Variants in PLCH1 observed in about 807,000 individuals in gnomAD.
The protein encoded by PLCH1 is phospholipase C eta 1, also known as 1-phosphatidylinositol 4,5-bisphosphate phosphodiesterase eta-1.
In PLCH1, 60 loss-of-function variants were observed where a neutral mutation model predicts 126.7. That is an observed-to-expected ratio of 0.47 (90% CI 0.38 to 0.59). PLCH1 has a LOEUF of 0.59. Ranked by LOEUF, PLCH1 falls within the 20% of genes least tolerant of loss-of-function variation. The probability of loss-of-function intolerance (pLI) is 0.00; values close to 1 mark genes in which losing one functional copy is unlikely to be tolerated. For synonymous variants in PLCH1, 719 were observed against 734.9 expected, an observed-to-expected ratio of 0.98 and a Z score of 0.35; for missense variants, 1,723 against 2,040.0, an observed-to-expected ratio of 0.84 and a Z score of 2.99.
In PLCH1 at chr3:155,454,815, G is replaced by A. The variant is rs576419907; in HGVS notation, c.2938+30541C>T. ...ACTACATGACTTGTAGTTTTCCTCT[G>A]CTATACCTACAAGGTAACTCGACAT... On this transcript the variant is annotated intron_variant, in intron 21 of 21. Coordinates refer to the PLCH1 transcript ENST00000494598. Among the ~76,000 whole-genome samples the A allele has an allele frequency of 2.6e-5, 4 of 152,288 alleles. No individual in the cohort carries two copies. In the South Asian group the frequency reaches 8.3e-4, roughly 32 times the overall value.
At chr3:155,527,202 A>G (rs1408715657) in intron 10 of PLCH1, among the ~76,000 whole-genome samples, 2 of 152,236 alleles carry the variant, frequency 1.3e-5, no homozygotes, top group Non-Finnish European at 2.9e-5. Context: ...ATCTCTTAAA[A>G]CATAGGGATG....
intron 2 of PLCH1, among the ~76,000 whole-genome samples, chr3:155,696,034 CAT>C (rs1745767082): frequency 6.6e-6 from 1 of 152,134 alleles, no homozygotes; most frequent in Non-Finnish European, 1.5e-5. Flanking sequence ...GGCAGATGGA[CAT>C]CTGAGTATTC....
At chr3:155,472,445 C>G (rs1244886353) in intron 21 of PLCH1, among the ~76,000 whole-genome samples, 1 of 151,872 alleles carries the variant, frequency 6.6e-6, no homozygotes, top group Admixed American at 6.6e-5. Flanking sequence ...AATAGTTTAC[C>G]AACCAAAAAG....
Position 155,545,567 on chromosome 3 carries a change from C to T in PLCH1, c.1362+4220G>A, listed in dbSNP as rs1282275872. Among the ~76,000 whole-genome samples, 13 of 152,062 alleles carry T rather than the reference C, an allele frequency of 8.5e-5. 1 individual carries two copies. The highest frequency in any genetic ancestry group is 4.2e-4 in the South Asian group (2 of 4,800). On this transcript the variant is annotated intron_variant, in intron 10 of 22. Coordinates refer to ENST00000460012, the MANE Select transcript of PLCH1 (RefSeq NM_014996.4). Reference sequence around the variant, plus strand: ...GCCAGCATCATCCTGATACCAAAGCCGGGCAGAGACAAAACCAAAAAAGAG... The same window carrying T: ...GCCAGCATCATCCTGATACCAAAGCTGGGCAGAGACAAAACCAAAAAAGAG...
At chr3:155,617,195 T>G (rs894354553) in intron 2 of PLCH1, among the ~76,000 whole-genome samples, 1 of 152,184 alleles carries the variant, frequency 6.6e-6, no homozygotes, top group African/African-American at 2.4e-5. Context: ...CCTAAGACTT[T>G]TGTCATCCAC....
chr3:155,742,947 C>G (rs1749730055), intron 1 of PLCH1: 1 of 216,234 alleles, frequency 4.6e-6, no homozygotes, highest in Admixed American at 5.4e-5. Context: ...ACAGTACTCA[C>G]GTATTACTTC....
intron 10 of PLCH1, among the ~76,000 whole-genome samples, chr3:155,526,489 TACAC>T (rs35144196): frequency 0.17 from 22,006 of 126,460 alleles, 2,256 homozygotes; most frequent in East Asian, 0.3. Context: ...CTCTCTCTCA[TACAC>T]ACACACACAC....
chr3:155,626,087 G>A (rs1559862483), intron 2 of PLCH1, among the ~76,000 whole-genome samples: 1 of 152,166 alleles, frequency 6.6e-6, no homozygotes, highest in African/African-American at 2.4e-5. Context: ...GGACATGGAT[G>A]AAGCTGGAAA....
intron 2 of PLCH1, among the ~76,000 whole-genome samples, chr3:155,641,312 T>TATAG (rs1385747956): frequency 6.6e-6 from 1 of 152,146 alleles, no homozygotes; most frequent in Non-Finnish European, 1.5e-5. Flanking sequence ...AACCTGTCTT[T>TATAG]ATAGATTTTT....
chr3:155,673,781 C>T (rs942791598), intron 2 of PLCH1, among the ~76,000 whole-genome samples: 2 of 152,170 alleles, frequency 1.3e-5, no homozygotes, highest in African/African-American at 4.8e-5. Context: ...ATCAGGCATT[C>T]GTACACAGCA....
intron 9 of PLCH1, among the ~76,000 whole-genome samples, chr3:155,551,065 A>G (rs1726046494): frequency 6.6e-6 from 1 of 152,202 alleles, no homozygotes; most frequent in African/African-American, 2.4e-5. Flanking sequence ...AGCAACAGCA[A>G]CAACAAACTG....
Position 155,492,774 on chromosome 3 carries a change from C to T in PLCH1, c.2262G>A (p.Gln754=), listed in dbSNP as rs1333432399. The change falls in exon 18 of 23, where the codon CAG becomes CAA. Residue 754 remains glutamine (Q), a synonymous_variant. Transcript: ENST00000460012. ...TGGAGTCTGGAGGTTTGGGGAGTTG[C>T]TGTCCACTGATAACTTTCAGGATGA... ...KQLILKVISG[Q]QLPKPPDSMF... 2.5e-6 allele frequency: 4 copies of T among 1,607,042 alleles called. No individual in the cohort carries two copies. The Admixed American group carries it at 6.8e-5, about 27-fold the overall frequency.
At chr3:155,682,327 C>T (rs373588133) in intron 2 of PLCH1, among the ~76,000 whole-genome samples, 1 of 152,168 alleles carries the variant, frequency 6.6e-6, no homozygotes, top group Admixed American at 6.5e-5. Flanking sequence ...TTATATGAAG[C>T]TCAGAAAGCC....
chr3:155,494,079 C>T, intron 17 of PLCH1, 62 bp downstream of exon 17: 1 of 1,291,672 alleles, frequency 7.7e-7, no homozygotes, highest in Non-Finnish European at 1.1e-6. Context: ...ATAAAGGTTG[C>T]CTGCATTTAG....
At chr3:155,613,718 G>C (rs1735428827) in intron 2 of PLCH1, among the ~76,000 whole-genome samples, 1 of 152,114 alleles carries the variant, frequency 6.6e-6, no homozygotes, top group South Asian at 2.1e-4. Context: ...AAACTTGAAA[G>C]CATTCTTCCT....
At chr3:155,488,174 CAAAATT>C in intron 20 of PLCH1, 67 bp from the exon 21 acceptor site, 1 of 857,320 alleles carries the variant, frequency 1.2e-6, no homozygotes, top group Non-Finnish European at 2.0e-6. Context: ...ATGGGTGCAA[CAAAATT>C]AAGTATCTGA....
chr3:155,578,223 T>C (rs1418531267), intron 6 of PLCH1, among the ~76,000 whole-genome samples: 1 of 152,182 alleles, frequency 6.6e-6, no homozygotes, highest in African/African-American at 2.4e-5. Context: ...TATTACCCAA[T>C]TCCCTTTTTC....
intron 1 of PLCH1, among the ~76,000 whole-genome samples, chr3:155,707,934 G>A (rs1746807573): frequency 6.6e-6 from 1 of 152,054 alleles, no homozygotes; most frequent in African/African-American, 2.4e-5. Context: ...TTCTTTAAGG[G>A]CTGGGTAACA....
chr3:155,601,421 T>C (rs1177061670), intron 2 of PLCH1, among the ~76,000 whole-genome samples: 1 of 152,166 alleles, frequency 6.6e-6, no homozygotes, highest in Non-Finnish European at 1.5e-5. Flanking sequence ...ATACATACTT[T>C]GGATTTGAAG....
Sources: allele counts gnomAD v4.1 joint callset (sites outside exome capture counted in the v4.1 genomes callset), GRCh38; gene constraint gnomAD v4.1.1; transcripts MANE v1.5; gene names NCBI Gene and HGNC (gene_info 2026-07-23, HGNC 2026-07-21).